The following PPP2R5C variants were observed in gnomAD, a reference collection of about 807,000 sequenced individuals.
PPP2R5C encodes the protein protein phosphatase 2 regulatory subunit B'gamma.
A neutral mutation model predicts 68.9 loss-of-function variants in PPP2R5C; 7 were observed. That is an observed-to-expected ratio of 0.10 (90% CI 0.06 to 0.19). PPP2R5C has a LOEUF of 0.19. Among genes scored for constraint, PPP2R5C ranks in the 10% least tolerant of loss-of-function variants. The pLI, the probability that PPP2R5C is intolerant of heterozygous loss-of-function variation, is 1.00. For synonymous variants in PPP2R5C, 210 were observed against 222.2 expected, an observed-to-expected ratio of 0.95 and a Z score of 0.49; for missense variants, 348 against 641.3, an observed-to-expected ratio of 0.54 and a Z score of 4.94.
intron 1 of PPP2R5C, among the ~76,000 whole-genome samples, chr14:101,821,410 G>A (rs77546365): frequency 0.073 from 9,248 of 127,148 alleles, 393 homozygotes; most frequent in East Asian, 0.19. Context: ...TTTGCTGTGT[G>A]TCATTCCAGA....
chr14:101,789,998 C>T, intron 3 of PPP2R5C: 1 of 151,172 alleles, frequency 6.6e-6, no homozygotes, highest in Non-Finnish European at 1.5e-5. Flanking sequence ...GGTTATGTCT[C>T]CTTATAAGTT....
chr14:101,826,340 A>G (rs746091303), intron 1 of PPP2R5C, among the ~76,000 whole-genome samples: 1 of 152,180 alleles, frequency 6.6e-6, no homozygotes, highest in Non-Finnish European at 1.5e-5. Flanking sequence ...TAAGGGTCCA[A>G]CTTCCTTTAT....
intron 1 of PPP2R5C, among the ~76,000 whole-genome samples, chr14:101,853,110 T>C (rs777907252): frequency 7.9e-5 from 12 of 152,046 alleles, no homozygotes; most frequent in Non-Finnish European, 1.6e-4. Flanking sequence ...CAGCAGAAAA[T>C]AAGATTTTTA....
intron 1 of PPP2R5C, among the ~76,000 whole-genome samples, chr14:101,832,816 G>A (rs1320949222): frequency 6.6e-6 from 1 of 152,114 alleles, no homozygotes; most frequent in Non-Finnish European, 1.5e-5. Context: ...CTTCTTCCCC[G>A]CGCTTTACCG....
chr14:101,890,031 A>T (rs768314827), intron 5 of PPP2R5C: 7 of 675,594 alleles, frequency 1.0e-5, no homozygotes, highest in African/African-American at 5.3e-5. Flanking sequence ...TTCGTGCAAG[A>T]CCAAGTTCTC....
chr14:101,784,023 G>C lies in PPP2R5C; in HGVS notation c.94-1995G>C, dbSNP rs182688940. ...ACCCAGGCTTTCATGGCAAAAGATT[G>C]ACAGATGTCAAGCTCAGAGCCCAAG... On this transcript the variant is annotated intron_variant, in intron 2 of 14. Coordinates refer to the PPP2R5C transcript ENST00000328724. Among the ~76,000 whole-genome samples the C allele has an allele frequency of 3.3e-5, 5 of 152,252 alleles. No homozygotes were observed. In the East Asian group the frequency reaches 9.7e-4, roughly 29 times the overall value.
upstream of PPP2R5C, among the ~76,000 whole-genome samples, chr14:101,761,640 A>AGGGGC (rs1383147268): frequency 3.8e-3 from 3 of 798 alleles, no homozygotes; most frequent in African/African-American, 9.3e-3. Context: ...GTGGGAGGAG[A>AGGGGC]GGGGCGGGGC....
At chr14:101,806,570 A>G (rs2039087774), upstream of PPP2R5C, among the ~76,000 whole-genome samples, 1 of 152,144 alleles carries the variant, frequency 6.6e-6, no homozygotes, top group Non-Finnish European at 1.5e-5. Flanking sequence ...CAATTTTTAG[A>G]CAATTGTTTT....
intron 1 of PPP2R5C, among the ~76,000 whole-genome samples, chr14:101,849,521 A>G (rs2042023931): frequency 6.7e-6 from 1 of 149,920 alleles, no homozygotes; most frequent in Non-Finnish European, 1.5e-5. Flanking sequence ...TTCTATTTGT[A>G]CTCTGAAGTT....
At chr14:101,867,649 G>C (rs1276955314) in intron 2 of PPP2R5C, among the ~76,000 whole-genome samples, 1 of 151,306 alleles carries the variant, frequency 6.6e-6, no homozygotes, top group Non-Finnish European at 1.5e-5. Flanking sequence ...ATGGTGGCGG[G>C]CACCTGTAGT....
Position 101,869,988 on chromosome 14 carries a change from A to G in PPP2R5C, c.295-12173A>G, listed in dbSNP as rs955138674. On this transcript the variant is annotated intron_variant, in intron 2 of 13. Coordinates refer to ENST00000334743, the Ensembl canonical transcript of PPP2R5C. ...TCCCTGCGCTTTTTGTCGTTTGTAT[A>G]TCTTCATTGGTGAATTGTCTGTTCC... 2.2e-5 allele frequency among the ~76,000 whole-genome samples: 3 copies of G among 133,478 alleles called. No individual in the cohort carries two copies. The South Asian group carries it at 7.0e-4, about 31-fold the overall frequency. The allele number at this position is 133,478 out of a possible 152,430, so 87.6% of individuals were successfully genotyped here.
chr14:101,805,922 T>C (rs1264516025), upstream of PPP2R5C, among the ~76,000 whole-genome samples: 1 of 152,084 alleles, frequency 6.6e-6, no homozygotes, highest in Non-Finnish European at 1.5e-5. Flanking sequence ...AAAGTTACTG[T>C]TTAATGGGGA....
chr14:101,890,679 C>T (rs1331330279), intron 6 of PPP2R5C, among the ~76,000 whole-genome samples: 1 of 150,312 alleles, frequency 6.7e-6, no homozygotes, highest in Non-Finnish European at 1.5e-5. Flanking sequence ...TTTTTAATTA[C>T]TTCAGTTTTT....
At chr14:101,904,430 G>A (rs1008541729) in intron 9 of PPP2R5C, among the ~76,000 whole-genome samples, 5 of 152,200 alleles carry the variant, frequency 3.3e-5, no homozygotes, top group Non-Finnish European at 7.3e-5. Context: ...GATTACAGGC[G>A]TGAGCCACCA....
intron 2 of PPP2R5C, among the ~76,000 whole-genome samples, chr14:101,881,008 A>T (rs1397012100): frequency 1.3e-5 from 2 of 152,134 alleles, no homozygotes; most frequent in African/African-American, 4.8e-5. Context: ...GTGATCACCT[A>T]TAAGAGCCAT....
chr14:101,865,583 G>A (rs926433078), intron 2 of PPP2R5C, among the ~76,000 whole-genome samples: 3 of 152,286 alleles, frequency 2.0e-5, no homozygotes, highest in South Asian at 2.1e-4. Context: ...TGAAACGGTC[G>A]GATCTGTACC....
intron 8 of PPP2R5C, among the ~76,000 whole-genome samples, chr14:101,898,554 C>G (rs894397034): frequency 3.3e-5 from 5 of 152,166 alleles, no homozygotes; most frequent in African/African-American, 9.7e-5. Context: ...TAATTGCAGT[C>G]CTGTCTAAAA....
intron 12 of PPP2R5C, chr14:101,912,688 C>T: frequency 9.6e-7 from 1 of 1,045,514 alleles, no homozygotes; most frequent in African/African-American, 1.7e-5. Context: ...TGACTTTTTT[C>T]CTCTGCTTTT....
chr14:101,785,664 G>T (rs2038058494), intron 2 of PPP2R5C, among the ~76,000 whole-genome samples: 1 of 152,190 alleles, frequency 6.6e-6, no homozygotes, highest in East Asian at 1.9e-4. Context: ...AATCCCATCT[G>T]CAGAGTCCCT....
Sources: allele counts gnomAD v4.1 joint callset (sites outside exome capture counted in the v4.1 genomes callset), GRCh38; gene constraint gnomAD v4.1.1; transcripts MANE v1.5; gene names NCBI Gene and HGNC (gene_info 2026-07-23, HGNC 2026-07-21).